FRAS1: variants seen among roughly 807,000 people sequenced by gnomAD.
FRAS1 encodes the protein extracellular matrix organizing protein FRAS1.
A neutral mutation model predicts 435.2 loss-of-function variants in FRAS1; 290 were observed. The ratio of observed to expected loss-of-function variants is 0.67; its 90% confidence interval spans 0.61 to 0.73. The LOEUF (loss-of-function observed/expected upper bound fraction) is 0.73, where lower values mean the gene tolerates loss of function less well. FRAS1 is among the 30% of genes least tolerant of loss of function. The pLI, the probability that FRAS1 is intolerant of heterozygous loss-of-function variation, is 0.00. For missense variants in FRAS1, 4,860 were observed against 5,001.5 expected (o/e 0.97, Z 0.85); for synonymous variants, 1,800 against 1,851.0 (o/e 0.97, Z 0.71).
At chr4:78,527,781 C>T (rs1721587575) in intron 70 of FRAS1, among the ~76,000 whole-genome samples, 1 of 152,102 alleles carries the variant, frequency 6.6e-6, no homozygotes, top group African/African-American at 2.4e-5. Flanking sequence ...TAACTGGAAA[C>T]AGATGAGGAG....
At chr4:78,514,452 C>A (rs1721143506) in intron 65 of FRAS1, among the ~76,000 whole-genome samples, 1 of 152,240 alleles carries the variant, frequency 6.6e-6, no homozygotes, top group Non-Finnish European at 1.5e-5. Context: ...GAAATGCATT[C>A]ATATTCTCTT....
chr4:78,448,705 A>T (rs1718931533), intron 44 of FRAS1, among the ~76,000 whole-genome samples: 1 of 152,114 alleles, frequency 6.6e-6, no homozygotes, highest in African/African-American at 2.4e-5. Flanking sequence ...TAAGACGCTT[A>T]TTTTTTTACA....
At chr4:78,145,390 A>G (rs1395531901) in intron 2 of FRAS1, among the ~76,000 whole-genome samples, 2 of 152,188 alleles carry the variant, frequency 1.3e-5, no homozygotes, top group East Asian at 3.8e-4. Flanking sequence ...GAGCGGTGGA[A>G]GCATGGTTGT....
At chr4:78,069,416 C>A (rs1164681232) in intron 2 of FRAS1, among the ~76,000 whole-genome samples, 1 of 152,196 alleles carries the variant, frequency 6.6e-6, no homozygotes, top group Non-Finnish European at 1.5e-5. Flanking sequence ...GGATTCCTCT[C>A]ACTGATTCCT....
chr4:78,441,942 C>G (rs1056350556), intron 41 of FRAS1, among the ~76,000 whole-genome samples: 2 of 152,238 alleles, frequency 1.3e-5, no homozygotes, highest in South Asian at 2.1e-4. Context: ...GTCCATGGCC[C>G]CCTGAGACCT....
At chr4:78,222,302 G>A (rs565306563) in intron 2 of FRAS1, among the ~76,000 whole-genome samples, 66 of 152,082 alleles carry the variant, frequency 4.3e-4, no homozygotes, top group Non-Finnish European at 7.9e-4. Flanking sequence ...CCCCTCTCCC[G>A]TTGCTGTCCA....
chr4:78,099,667 C>A (rs377553723), intron 2 of FRAS1, among the ~76,000 whole-genome samples: 2 of 152,272 alleles, frequency 1.3e-5, no homozygotes, highest in Non-Finnish European at 2.9e-5. Flanking sequence ...AGGTCACATA[C>A]AGTGAGAACA....
intron 72 of FRAS1, 82 bp from the exon 73 acceptor site, chr4:78,539,212 T>C: frequency 1.4e-6 from 2 of 1,398,364 alleles, no homozygotes; most frequent in South Asian, 1.3e-5. Context: ...GATGAGTACT[T>C]TTCTCCTCCC....
At chr4:78,136,388 A>G (rs1236037508) in intron 2 of FRAS1, among the ~76,000 whole-genome samples, 1 of 152,188 alleles carries the variant, frequency 6.6e-6, no homozygotes, top group Admixed American at 6.5e-5. Flanking sequence ...TGAAAGCATT[A>G]TAAATATTAA....
At chr4:78,338,817 G>A (rs1730284089) in intron 20 of FRAS1, among the ~76,000 whole-genome samples, 1 of 152,216 alleles carries the variant, frequency 6.6e-6, no homozygotes, top group Admixed American at 6.5e-5. Flanking sequence ...GCGGGGCACA[G>A]CAAGTCAGTG....
rs1730224544 is a variant in FRAS1 at position 78,337,679 on chromosome 4, C to T, written c.2284C>T (p.His762Tyr). 6.2e-7 allele frequency: 1 copy of T among 1,612,496 alleles called. No homozygotes were observed. The highest frequency in any genetic ancestry group is 2.2e-5 in the East Asian group (1 of 44,836). Reference sequence around the variant, plus strand: ...GGTTTTCGTCCCCCTGCCAGAGTGTCACCCAACCTGCAGGCAGTGTCATGG... The same window carrying T: ...GGTTTTCGTCCCCCTGCCAGAGTGTTACCCAACCTGCAGGCAGTGTCATGG... ...FHQEGSCTEC[H>Y]PTCRQCHGPL... is the part of the protein sequence containing the mutation. Residue 762 changes from histidine (H) to tyrosine (Y), a missense_variant, in exon 20 of 74, where the codon CAC (histidine) becomes TAC (tyrosine). Physicochemically the swap from His to Tyr is moderately conservative, Grantham distance 83. Transcript: ENST00000512123.
At chr4:78,282,271 G>A (rs1306359145) in intron 11 of FRAS1, among the ~76,000 whole-genome samples, 1 of 152,140 alleles carries the variant, frequency 6.6e-6, no homozygotes, top group Non-Finnish European at 1.5e-5. Flanking sequence ...GCTGAAAAAG[G>A]TATTTTAGTG....
chr4:78,438,369 G>A (rs1241455582), intron 38 of FRAS1, among the ~76,000 whole-genome samples: 1 of 152,138 alleles, frequency 6.6e-6, no homozygotes, highest in Non-Finnish European at 1.5e-5. Context: ...AGAAAAATAT[G>A]TTATCAAAGA....
chr4:78,432,381 T>G lies in FRAS1; in HGVS notation c.4994T>G (p.Val1665Gly). 1.2e-6 allele frequency: 2 copies of G among 1,603,086 alleles called. No individual in the cohort carries two copies. The highest frequency in any genetic ancestry group is 1.7e-6 in the Non-Finnish European group (2 of 1,174,140). Reference protein sequence around the residue: ...ATGDTFTYEDVEKNALQYIHD... With the variant: ...ATGDTFTYEDGEKNALQYIHD... ...GGTGACACTTTCACCTATGAGGATG[T>G]TGAGAAAAATGCTCTACAGTATATA... is the stretch of plus-strand genomic sequence containing the variant. The change falls in exon 38 of 74, where the codon GTT becomes GGT. Residue 1665 changes from valine (V) to glycine (G), a missense_variant. Val to Gly is a moderately radical substitution (Grantham distance 109). Coordinates refer to ENST00000512123, the MANE Select transcript of FRAS1 (RefSeq NM_025074.7).
Position 78,438,640 on chromosome 4 carries a change from G to A in FRAS1, c.5288G>A (p.Arg1763Lys). ...NYLPSYGTLL[R>K]ISGSEVEELS... ...CTGCCCTCATATGGTACTCTCTTAA[G>A]AATCTCAGGATCTGAGGTGGAAGAG... is the stretch of plus-strand genomic sequence containing the variant. Residue 1763 changes from arginine (R) to lysine (K), a missense_variant, in exon 39 of 74, where the codon AGA becomes AAA. Arg to Lys is a conservative substitution (Grantham distance 26). Transcript: ENST00000512123. The A allele has an allele frequency of 6.2e-7, 1 of 1,613,496 alleles. No individual in the cohort carries two copies. The highest frequency in any genetic ancestry group is 8.5e-7 in the Non-Finnish European group (1 of 1,179,528).
chr4:78,374,699 A>G (rs954044925), intron 25 of FRAS1, among the ~76,000 whole-genome samples: 2 of 152,208 alleles, frequency 1.3e-5, no homozygotes, highest in Non-Finnish European at 2.9e-5. Context: ...ATGAAACTCA[A>G]GTTGAACCCC....
At chr4:78,120,581 A>C (rs1002435669) in intron 2 of FRAS1, among the ~76,000 whole-genome samples, 2 of 152,146 alleles carry the variant, frequency 1.3e-5, no homozygotes, top group Non-Finnish European at 2.9e-5. Flanking sequence ...CTGGGGAAAA[A>C]GGGGCCTGTG....
At chr4:78,309,803 G>A (rs1159106868) in intron 15 of FRAS1, among the ~76,000 whole-genome samples, 2 of 152,130 alleles carry the variant, frequency 1.3e-5, no homozygotes, top group Admixed American at 1.3e-4. Context: ...TAAATGAAAG[G>A]TTTGAATTGA....
chr4:78,539,934 G>A (rs1445908816), intron 73 of FRAS1, among the ~76,000 whole-genome samples: 1 of 152,142 alleles, frequency 6.6e-6, no homozygotes, highest in Non-Finnish European at 1.5e-5. Flanking sequence ...TGACCCTTCA[G>A]AACTATTATC....
Sources: allele counts gnomAD v4.1 joint callset (sites outside exome capture counted in the v4.1 genomes callset), GRCh38; gene constraint gnomAD v4.1.1; transcripts MANE v1.5; gene names NCBI Gene and HGNC (gene_info 2026-07-23, HGNC 2026-07-21).